GRID2: variants seen among roughly 807,000 people sequenced by gnomAD.
The protein encoded by GRID2 is glutamate ionotropic receptor delta type subunit 2.
GRID2 carries 33 observed loss-of-function variants against 114.8 expected under a neutral mutation model. That is an observed-to-expected ratio of 0.29 (90% CI 0.22 to 0.38). The LOEUF (loss-of-function observed/expected upper bound fraction) is 0.38. Among genes scored for constraint, GRID2 ranks in the 10% least tolerant of loss-of-function variants. The pLI is 1.00. For missense variants in GRID2, 1,184 were observed against 1,257.7 expected (o/e 0.94, Z 0.89); for synonymous variants, 505 against 449.9 (o/e 1.12, Z -1.55).
At chr4:92,692,671 A>G (rs1734232613) in intron 2 of GRID2, among the ~76,000 whole-genome samples, 1 of 152,100 alleles carries the variant, frequency 6.6e-6, no homozygotes, top group Admixed American at 6.6e-5. Context: ...GTGGTGAGAG[A>G]AATTGGAAGA....
chr4:92,940,723 T>C (rs1751051345), intron 2 of GRID2, among the ~76,000 whole-genome samples: 1 of 152,228 alleles, frequency 6.6e-6, no homozygotes, highest in African/African-American at 2.4e-5. Context: ...ATAGCTCTTA[T>C]TATTTTGAGA....
chr4:92,531,835 G>A (rs1260116712), intron 1 of GRID2, among the ~76,000 whole-genome samples: 1 of 151,910 alleles, frequency 6.6e-6, no homozygotes, highest in Non-Finnish European at 1.5e-5. Flanking sequence ...AAATAAAATA[G>A]ATGTCAGAAA....
At chr4:93,150,283 G>A (rs910477824) in intron 4 of GRID2, among the ~76,000 whole-genome samples, 3 of 152,044 alleles carry the variant, frequency 2.0e-5, no homozygotes, top group African/African-American at 7.2e-5. Flanking sequence ...TGTAGTATCA[G>A]GCTCTAGTAC....
intron 1 of GRID2, among the ~76,000 whole-genome samples, chr4:92,561,318 T>C (rs1246998922): frequency 6.6e-6 from 1 of 152,178 alleles, no homozygotes; most frequent in Non-Finnish European, 1.5e-5. Context: ...ACTGGAGAAA[T>C]AGAAATATAT....
chr4:93,647,200 A>T (rs904962047), intron 14 of GRID2, among the ~76,000 whole-genome samples: 1 of 152,172 alleles, frequency 6.6e-6, no homozygotes, highest in Non-Finnish European at 1.5e-5. Context: ...ATCGAAGCAG[A>T]AAAAGATAGG....
At chr4:92,896,532 T>G (rs1747176240) in intron 2 of GRID2, among the ~76,000 whole-genome samples, 1 of 151,130 alleles carries the variant, frequency 6.6e-6, no homozygotes, top group African/African-American at 2.4e-5. Context: ...CTTCAGTTGT[T>G]TAAAGTTACC....
intron 13 of GRID2, among the ~76,000 whole-genome samples, chr4:93,600,015 G>A (rs1001532609): frequency 2.0e-5 from 3 of 152,234 alleles, no homozygotes; most frequent in Admixed American, 6.5e-5. Flanking sequence ...AAAAAGCAAC[G>A]GCTAGAAGGC....
At chr4:93,698,687 A>G (rs1219197583) in intron 14 of GRID2, among the ~76,000 whole-genome samples, 1 of 152,070 alleles carries the variant, frequency 6.6e-6, no homozygotes, top group Non-Finnish European at 1.5e-5. Flanking sequence ...ATAAGTTTTG[A>G]ATATTTTATT....
At chr4:93,027,376 G>A (rs1723979213) in intron 2 of GRID2, among the ~76,000 whole-genome samples, 1 of 151,576 alleles carries the variant, frequency 6.6e-6, no homozygotes, top group African/African-American at 2.4e-5. Context: ...AGGCGGGACA[G>A]TACAATTTCT....
chr4:93,708,941 C>T (rs1728242898), intron 14 of GRID2, among the ~76,000 whole-genome samples: 1 of 151,980 alleles, frequency 6.6e-6, no homozygotes, highest in Non-Finnish European at 1.5e-5. Flanking sequence ...GATGATAACA[C>T]TGATTGCAAA....
At chr4:93,140,489 G>T (rs1735676960) in intron 4 of GRID2, among the ~76,000 whole-genome samples, 1 of 151,954 alleles carries the variant, frequency 6.6e-6, no homozygotes, top group Non-Finnish European at 1.5e-5. Context: ...TGGACAGTTG[G>T]CATTTGCTCA....
intron 1 of GRID2, among the ~76,000 whole-genome samples, chr4:92,392,365 C>T (rs1410323974): frequency 6.6e-6 from 1 of 151,892 alleles, no homozygotes; most frequent in East Asian, 1.9e-4. Flanking sequence ...ATGGTGAAAT[C>T]CCATCTCTAC....
intron 11 of GRID2, among the ~76,000 whole-genome samples, chr4:93,483,253 C>A (rs1726050321): frequency 6.6e-6 from 1 of 151,850 alleles, no homozygotes; most frequent in Admixed American, 6.6e-5. Flanking sequence ...ATTCAGTCAG[C>A]TTGAATAATG....
chr4:92,648,471 C>T (rs1213943201), intron 2 of GRID2, among the ~76,000 whole-genome samples: 1 of 149,564 alleles, frequency 6.7e-6, no homozygotes, highest in Non-Finnish European at 1.5e-5. Flanking sequence ...ATTTAATAAA[C>T]AACATACATT....
chr4:93,349,864 T>C (rs962897524), intron 8 of GRID2, among the ~76,000 whole-genome samples: 15 of 152,104 alleles, frequency 9.9e-5, no homozygotes, highest in Admixed American at 3.3e-4. Context: ...AGACAAATAT[T>C]ATACCTTAAT....
chr4:92,855,502 C>T (rs963224450), intron 2 of GRID2, among the ~76,000 whole-genome samples: 8 of 151,964 alleles, frequency 5.3e-5, no homozygotes, highest in Admixed American at 4.6e-4. Context: ...CTGCATATGA[C>T]ATTGCTTACT....
intron 8 of GRID2, among the ~76,000 whole-genome samples, chr4:93,310,720 T>C (rs1211582799): frequency 1.3e-5 from 2 of 151,952 alleles, no homozygotes; most frequent in African/African-American, 4.8e-5. Flanking sequence ...CTGGAAAGAG[T>C]TTTATTGTCT....
At chr4:93,748,689 T>A (rs1403476303) in intron 14 of GRID2, among the ~76,000 whole-genome samples, 1 of 92,956 alleles carries the variant, frequency 1.1e-5, no homozygotes, top group African/African-American at 4.2e-5. Flanking sequence ...TTTTCTTTAA[T>A]TTAGGCTCCC....
chr4:93,794,389 C>A (rs1014068638), intron 1 of GRID2, among the ~76,000 whole-genome samples: 24 of 152,172 alleles, frequency 1.6e-4, no homozygotes, highest in Admixed American at 1.6e-3. Flanking sequence ...ATAACCCACA[C>A]CTACAATATT....
Sources: gnomAD v4.1 joint callset for allele counts (sites outside exome capture counted in the v4.1 genomes callset) on GRCh38, gnomAD v4.1.1 for gene constraint, MANE v1.5 for transcripts, NCBI Gene and HGNC (gene_info 2026-07-23, HGNC 2026-07-21) for gene names.